Variants in CNTN5 observed in about 807,000 individuals in gnomAD.
CNTN5 encodes the protein contactin 5.
CNTN5 carries 77 observed loss-of-function variants against 129.1 expected under a neutral mutation model. The observed-to-expected ratio is 0.60, with a 90% CI of 0.50 to 0.72. The LOEUF (loss-of-function observed/expected upper bound fraction) is 0.72, where lower values mean the gene tolerates loss of function less well. CNTN5 is among the 30% of genes least tolerant of loss of function. The pLI is 0.00. For missense variants in CNTN5, 1,478 were observed against 1,328.8 expected (o/e 1.11, Z -1.75); for synonymous variants, 509 against 465.6 (o/e 1.09, Z -1.20).
At chr11:99,117,290 A>G (rs767419280) in intron 1 of CNTN5, among the ~76,000 whole-genome samples, 24 of 152,210 alleles carry the variant, frequency 1.6e-4, no homozygotes, top group Admixed American at 2.6e-4. Flanking sequence ...AACTGAACTC[A>G]CCCATATAAT....
At chr11:99,442,646 T>C (rs1943884849) in intron 2 of CNTN5, among the ~76,000 whole-genome samples, 1 of 152,248 alleles carries the variant, frequency 6.6e-6, no homozygotes, top group Non-Finnish European at 1.5e-5. Context: ...TGTCTGTGAC[T>C]CCTGCAATAA....
chr11:99,168,437 A>G lies in CNTN5; in HGVS notation c.-210+147167A>G, dbSNP rs572201949. Among the ~76,000 whole-genome samples, 51 of 152,140 alleles carry G rather than the reference A, an allele frequency of 3.4e-4. No individual in the cohort carries two copies. The East Asian group carries it at 7.0e-3, about 21-fold the overall frequency. On this transcript the variant is annotated intron_variant, in intron 1 of 24. Transcript: ENST00000524871. ...TACTAAAAATACAAAAATATTAGCC[A>G]GGTATGGAGGCATGCACCTGTAGTC...
chr11:100,207,823 T>C (rs1948947456), intron 15 of CNTN5, among the ~76,000 whole-genome samples: 1 of 152,220 alleles, frequency 6.6e-6, no homozygotes, highest in Admixed American at 6.5e-5. Flanking sequence ...TTAAAATTAC[T>C]GTAGCTCTAC....
intron 2 of CNTN5, among the ~76,000 whole-genome samples, chr11:99,434,655 T>C (rs1943531610): frequency 6.6e-6 from 1 of 151,568 alleles, no homozygotes; most frequent in Admixed American, 6.6e-5. Context: ...TTATTACCAA[T>C]AGGAACTTTG....
chr11:100,342,549 C>T (rs1952189321), intron 23 of CNTN5, among the ~76,000 whole-genome samples: 1 of 152,114 alleles, frequency 6.6e-6, no homozygotes. Flanking sequence ...GAAAAATACT[C>T]TATTGAGCTT....
chr11:99,639,786 A>T (rs1951704852), intron 3 of CNTN5, among the ~76,000 whole-genome samples: 1 of 151,898 alleles, frequency 6.6e-6, no homozygotes. Context: ...CTGGTCTGAA[A>T]CACCAGACCT....
At chr11:99,331,978 G>A (rs1866019280) in intron 2 of CNTN5, among the ~76,000 whole-genome samples, 1 of 152,050 alleles carries the variant, frequency 6.6e-6, no homozygotes, top group African/African-American at 2.4e-5. Flanking sequence ...CATCCCAGAT[G>A]AAACATCCCA....
intron 3 of CNTN5, among the ~76,000 whole-genome samples, chr11:99,706,659 C>G (rs614096): frequency 0.35 from 53,429 of 151,070 alleles, 9,546 homozygotes; most frequent in Middle Eastern, 0.41. Flanking sequence ...GTAGAAGTCA[C>G]TTTTAAACAA....
rs1040691863 is a variant in CNTN5 at position 100,358,276 on chromosome 11, T to TA, written c.*2060dup. ...TACACTCTCAGAAAGCAAAGCCCAG[T>TA]AAAATATTAAACAAATAAAATGGCA... On this transcript the variant is annotated 3_prime_UTR_variant, in exon 25 of 25. Coordinates refer to ENST00000524871, the MANE Select transcript of CNTN5 (RefSeq NM_014361.4). The TA allele has an allele frequency of 2.0e-5, 3 of 151,882 alleles. No individual in the cohort carries two copies. The highest frequency in any genetic ancestry group is 7.2e-5 in the African/African-American group (3 of 41,422). The allele number at this position is 151,882 out of a possible 1,614,324, so 9.4% of individuals were successfully genotyped here.
chr11:99,839,950 GA>G (rs1947428713), intron 4 of CNTN5, among the ~76,000 whole-genome samples: 2 of 151,440 alleles, frequency 1.3e-5, no homozygotes, highest in African/African-American at 4.9e-5. Context: ...TCCTGAAAAA[GA>G]AAGTCATAAG....
intron 16 of CNTN5, among the ~76,000 whole-genome samples, chr11:100,233,467 T>G (rs2138656396): frequency 6.6e-6 from 1 of 152,320 alleles, no homozygotes; most frequent in South Asian, 2.1e-4. Context: ...AGACAGCACT[T>G]TGTCATTACC....
chr11:99,736,273 AGGT>A (rs1943707779), intron 3 of CNTN5, among the ~76,000 whole-genome samples: 1 of 152,134 alleles, frequency 6.6e-6, no homozygotes, highest in Non-Finnish European at 1.5e-5. Context: ...GGGGTTAGCT[AGGT>A]TTCTCAGACT....
intron 3 of CNTN5, among the ~76,000 whole-genome samples, chr11:99,664,833 C>A (rs1952725165): frequency 6.6e-6 from 1 of 151,180 alleles, no homozygotes. Context: ...TTCCAGGGTA[C>A]CTTATTAATT....
chr11:99,126,185 C>G (rs1417164807), intron 1 of CNTN5, among the ~76,000 whole-genome samples: 1 of 152,146 alleles, frequency 6.6e-6, no homozygotes, highest in East Asian at 1.9e-4. Flanking sequence ...ATGTCCACCG[C>G]AGCTCAATAA....
At chr11:99,688,581 G>C (rs1173673974) in intron 3 of CNTN5, among the ~76,000 whole-genome samples, 1 of 152,006 alleles carries the variant, frequency 6.6e-6, no homozygotes, top group South Asian at 2.1e-4. Context: ...TTTTTCCACA[G>C]TGTTTTTTAA....
At chr11:99,911,868 C>G (rs868077845) in intron 6 of CNTN5, among the ~76,000 whole-genome samples, 54 of 151,996 alleles carry the variant, frequency 3.6e-4, no homozygotes, top group South Asian at 8.3e-4. Context: ...TTGGGTATAT[C>G]TCTACCTTGT....
intron 6 of CNTN5, among the ~76,000 whole-genome samples, chr11:99,909,630 C>G (rs997134944): frequency 5.3e-5 from 8 of 152,048 alleles, no homozygotes; most frequent in African/African-American, 1.9e-4. Context: ...TACTATGCAG[C>G]CATAAAAAGT....
chr11:99,633,499 G>T (rs1197914456), intron 3 of CNTN5, among the ~76,000 whole-genome samples: 1 of 152,070 alleles, frequency 6.6e-6, no homozygotes, highest in Non-Finnish European at 1.5e-5. Context: ...GCTTCTACAA[G>T]CAAGATCATC....
In CNTN5 at chr11:99,362,502, AT is replaced by A. The variant is rs752828764; in HGVS notation, c.-71+37026del. Among the ~76,000 whole-genome samples the A allele has an allele frequency of 4.4e-4, 67 of 151,602 alleles. No individual in the cohort carries two copies. In the East Asian group the frequency reaches 0.01, roughly 24 times the overall value. ...AATTTTGATAAAAAACAATTTATCT[AT>A]TTTTTTTAGTTGTCTATGCTTTGGG... is the stretch of plus-strand genomic sequence containing the variant. On this transcript the variant is annotated intron_variant, in intron 2 of 24. Coordinates refer to ENST00000524871, the MANE Select transcript of CNTN5 (RefSeq NM_014361.4).
Sources: gnomAD v4.1 joint callset for allele counts (sites outside exome capture counted in the v4.1 genomes callset) on GRCh38, gnomAD v4.1.1 for gene constraint, MANE v1.5 for transcripts, NCBI Gene and HGNC (gene_info 2026-07-23, HGNC 2026-07-21) for gene names.